The following MYO1H variants were observed in gnomAD, a reference collection of about 807,000 sequenced individuals.
The protein encoded by MYO1H is myosin IH, also known as unconventional myosin-Ih.
MYO1H carries 118 observed loss-of-function variants against 149.3 expected under a neutral mutation model. That is an observed-to-expected ratio of 0.79 (90% confidence interval 0.68 to 0.92). The LOEUF is 0.92. MYO1H is among the 40% of genes least tolerant of loss of function. The pLI, the probability that MYO1H is intolerant of heterozygous loss-of-function variation, is 0.00. For synonymous variants in MYO1H, 447 were observed against 465.2 expected (o/e 0.96, Z 0.50); for missense variants, 1,212 against 1,280.7 (o/e 0.95, Z 0.82).
chr12:109,421,977 C>A (rs145234131), intron 16 of MYO1H, among the ~76,000 whole-genome samples: 23 of 152,126 alleles, frequency 1.5e-4, no homozygotes, highest in Admixed American at 1.2e-3. Flanking sequence ...CACACACCAC[C>A]ACACCCAACT....
At chr12:109,368,173 T>C (rs757234607) in intron 1 of MYO1H, among the ~76,000 whole-genome samples, 24 of 152,176 alleles carry the variant, frequency 1.6e-4, no homozygotes, top group Non-Finnish European at 3.2e-4. Context: ...GTTTGTGACA[T>C]GCAAAACTAA....
At chr12:109,441,668 C>T (rs1210648224) in exon 26 of MYO1H, 1 of 1,613,468 alleles carries the variant, frequency 6.2e-7, no homozygotes, top group Admixed American at 1.7e-5. Flanking sequence ...AAGACGGCTA[C>T]ACAGAAAGTT....
At chr12:109,323,294 C>G in the MYO1H span, among the ~76,000 whole-genome samples, 5 of 152,228 alleles carry the variant, frequency 3.3e-5, no homozygotes, top group Non-Finnish European at 7.3e-5. Flanking sequence ...GCTACATTCT[C>G]TTTGTAATAC....
chr12:109,403,562 A>C (rs911508784), intron 6 of MYO1H, among the ~76,000 whole-genome samples: 1 of 152,202 alleles, frequency 6.6e-6, no homozygotes, highest in Non-Finnish European at 1.5e-5. Context: ...GGCTTCTTTC[A>C]TCTAGTCCTG....
At chr12:109,328,544 C>G in the MYO1H span, among the ~76,000 whole-genome samples, 1 of 152,114 alleles carries the variant, frequency 6.6e-6, no homozygotes, top group African/African-American at 2.4e-5. Flanking sequence ...TGTGCAGTTA[C>G]AGAATAGGTC....
intron 1 of MYO1H, among the ~76,000 whole-genome samples, chr12:109,354,740 C>G (rs1868548878): frequency 6.6e-6 from 1 of 152,064 alleles, no homozygotes; most frequent in African/African-American, 2.4e-5. Flanking sequence ...GTAAACATAG[C>G]CAGTTTCTGG....
chr12:109,407,814 A>G, exon 10 of MYO1H: 1 of 1,613,912 alleles, frequency 6.2e-7, no homozygotes, highest in Non-Finnish European at 8.5e-7. Context: ...CGTTGACACT[A>G]GAACTCTCTG....
intron 24 of MYO1H, chr12:109,440,517 G>T: frequency 2.0e-6 from 1 of 494,920 alleles, no homozygotes; most frequent in Non-Finnish European, 3.7e-6. Context: ...AGCCAGTTCT[G>T]CAGGTGAGTC....
chr12:109,441,636 A>G (rs762201396), exon 26 of MYO1H: 3 of 1,612,436 alleles, frequency 1.9e-6, no homozygotes, highest in South Asian at 2.2e-5. Context: ...GGTAGTTACA[A>G]GTGAAATCTT....
chr12:109,367,687 GACTAC>G (rs1868894265), intron 1 of MYO1H, among the ~76,000 whole-genome samples: 1 of 151,894 alleles, frequency 6.6e-6, no homozygotes, highest in African/African-American at 2.4e-5. Context: ...GAGTAGCTAG[GACTAC>G]AGGCGCCCGC....
the MYO1H span, among the ~76,000 whole-genome samples, chr12:109,333,449 C>G: frequency 6.6e-6 from 1 of 152,088 alleles, no homozygotes; most frequent in Non-Finnish European, 1.5e-5. Context: ...TGCTGGTTTT[C>G]TCTCCTTCTC....
chr12:109,384,383 A>C (rs1468484214), intron 1 of MYO1H, among the ~76,000 whole-genome samples: 2 of 152,360 alleles, frequency 1.3e-5, no homozygotes, highest in East Asian at 3.9e-4. Context: ...GTGTAATTGA[A>C]GATCTCTTTA....
At position 109,443,045 on chromosome 12, in the gene MYO1H, T is replaced by TGTGTATACATGTGTAC. The variant is rs1555255542; in HGVS notation, c.2689-467_2689-466insGTATACATGTGTACGT. Among the ~76,000 whole-genome samples, 38 of 93,516 alleles carry TGTGTATACATGTGTAC rather than the reference T, an allele frequency of 4.1e-4. 10 individuals are homozygous for TGTGTATACATGTGTAC. The highest frequency in any genetic ancestry group is 2.0e-3 in the African/African-American group (38 of 19,044). 61.4% of individuals were successfully genotyped at this position (93,516 alleles called of 152,430 possible). On this transcript the variant is annotated intron_variant, in intron 27 of 31. Coordinates refer to ENST00000310903, the Ensembl canonical transcript of MYO1H. Reference sequence around the variant, plus strand: ...ATATATATATGTGTGTGTGTGTGTGTGTATATATGTGTACGTATGTGTGTA... The same window carrying TGTGTATACATGTGTAC: ...ATATATATATGTGTGTGTGTGTGTGTGTGTATACATGTGTACGTATATATGTGTACGTATGTGTGTA...
the MYO1H span, among the ~76,000 whole-genome samples, chr12:109,320,855 C>T: frequency 4.7e-4 from 72 of 151,846 alleles, no homozygotes; most frequent in Middle Eastern, 3.4e-3. Context: ...TTTGAGAGGC[C>T]GAGGCGGGTG....
rs1871149252 is a variant in MYO1H, at chr12:109,420,969, A to G, written c.1598-12A>G. 1 of 1,535,360 alleles carries G rather than the reference A, an allele frequency of 6.5e-7. No individual in the cohort carries two copies. On this transcript the variant is annotated splice_polypyrimidine_tract_variant and intron_variant, in intron 15 of 31. Transcript: ENST00000310903. ...ACATTGATTCAAAAAATTTTTCTTC[A>G]ATGTTTTACAGGATTCTTGGAAAAA...
the MYO1H span, among the ~76,000 whole-genome samples, chr12:109,318,967 G>GTTTTTTTTTTTTTTTTTTTTTTTTTT: frequency 2.3e-4 from 18 of 79,598 alleles, 2 homozygotes; most frequent in African/African-American, 4.8e-4. Context: ...TGCGTTTTTG[G>GTTTTTTTTTTTTTTTTTTTTTTTTTT]TTTTGTTTTT....
intron 27 of MYO1H, among the ~76,000 whole-genome samples, chr12:109,443,010 AT>A (rs34239243): frequency 0.086 from 4,681 of 54,466 alleles, 792 homozygotes; most frequent in Middle Eastern, 0.13. Context: ...AAAAAAAAAA[AT>A]ATATATATAT....
At chr12:109,328,158 G>A in the MYO1H span, among the ~76,000 whole-genome samples, 64 of 141,602 alleles carry the variant, frequency 4.5e-4, no homozygotes, top group African/African-American at 1.7e-3. Flanking sequence ...ATATATATGC[G>A]TGTGTGTGTG....
At chr12:109,329,890 C>G in the MYO1H span, among the ~76,000 whole-genome samples, 1 of 152,170 alleles carries the variant, frequency 6.6e-6, no homozygotes, top group East Asian at 1.9e-4. Context: ...CAAGGCCAAG[C>G]ACTGTGGGTA....
Sources: gnomAD v4.1 joint callset for allele counts (sites outside exome capture counted in the v4.1 genomes callset) on GRCh38, gnomAD v4.1.1 for gene constraint, MANE v1.5 for transcripts, NCBI Gene and HGNC (gene_info 2026-07-23, HGNC 2026-07-21) for gene names.